ST6GALNAC4: variants seen among roughly 807,000 people sequenced by gnomAD.
ST6GALNAC4 encodes the protein ST6 N-acetylgalactosaminide alpha-2,6-sialyltransferase 4.
ST6GALNAC4 carries 24 observed loss-of-function variants against 30.4 expected under a neutral mutation model. That is an observed-to-expected ratio of 0.79 (90% CI 0.57 to 1.11). ST6GALNAC4 has a LOEUF of 1.11. ST6GALNAC4 is among the 50% of genes most tolerant of loss of function. The pLI is 0.00. For synonymous variants in ST6GALNAC4, 156 were observed against 179.7 expected, an observed-to-expected ratio of 0.87 and a Z score of 1.05; for missense variants, 365 against 430.1, an observed-to-expected ratio of 0.85 and a Z score of 1.34.
In ST6GALNAC4 at chr9:127,908,447, C is replaced by A; in HGVS notation, c.854G>T (p.Arg285Leu). The A allele has an allele frequency of 6.2e-7, 1 of 1,601,500 alleles. No homozygotes were observed. Among genetic ancestry groups the A allele is most frequent in the Non-Finnish European group, 8.5e-7 (1 of 1,170,946 alleles). ...CACGATGGGCCTCTTCTTGGCCCAG[C>A]GGGAGAAGACCGCCTTCTCAGTGAT... is the stretch of plus-strand genomic sequence containing the variant. The part of the protein sequence containing the change: ...RFITEKAVFS[R>L]WAKKRPIVFA... The change falls in exon 6 of 6, where the codon CGC (arginine) becomes CTC (leucine). Residue 285 changes from arginine to leucine, a missense_variant. By Grantham distance (102) the Arg-to-Leu change is moderately radical (BLOSUM62 -2). Transcript: ENST00000335791.
At chr9:127,915,349 G>C (rs555086699) in intron 2 of ST6GALNAC4, among the ~76,000 whole-genome samples, 11 of 152,178 alleles carry the variant, frequency 7.2e-5, no homozygotes, top group South Asian at 2.1e-4. Context: ...CCTCAGAAGG[G>C]CCACCAGCCC....
At chr9:127,916,523 G>C in intron 1 of ST6GALNAC4, 29 bp from the exon 2 acceptor site, 2 of 1,415,508 alleles carry the variant, frequency 1.4e-6, no homozygotes, top group Admixed American at 3.4e-5. Context: ...TCAGAGCCGG[G>C]AGGGGTAAGG....
At chr9:127,912,786 G>T in intron 3 of ST6GALNAC4, 106 bp from the exon 4 acceptor site, 2 of 1,348,218 alleles carry the variant, frequency 1.5e-6, no homozygotes, top group South Asian at 1.5e-5. Context: ...TCAGGTATCG[G>T]CTTGAAGGAC....
intron 4 of ST6GALNAC4, 83 bp from the exon 5 acceptor site, chr9:127,910,141 G>A (rs2131618434): frequency 6.5e-7 from 1 of 1,543,114 alleles, no homozygotes; most frequent in South Asian, 1.2e-5. Flanking sequence ...TTGGTACTTT[G>A]CCAGCCCGGG....
intron 2 of ST6GALNAC4, among the ~76,000 whole-genome samples, chr9:127,915,270 C>T (rs926821964): frequency 3.9e-5 from 6 of 152,146 alleles, no homozygotes; most frequent in South Asian, 4.1e-4. Flanking sequence ...TGTGAACTTA[C>T]GGGAGGGGGG....
chr9:127,909,073 G>A (rs1831009233), intron 5 of ST6GALNAC4, among the ~76,000 whole-genome samples: 1 of 151,948 alleles, frequency 6.6e-6, no homozygotes, highest in South Asian at 2.1e-4. Context: ...TTGTGAACTC[G>A]TTAGTTTCCA....
chr9:127,908,510 A>T lies in ST6GALNAC4; in HGVS notation c.791T>A (p.Leu264Gln). ...KGRLDECQMY[L>Q]AHEQAPRSAH... ...GCTTCGGGGCGCCTGCTCGTGTGCC[A>T]GGTACATCTGACACTCATCTAGCCG... The change falls in exon 6 of 6, where the codon CTG (leucine) becomes CAG (glutamine). Residue 264 changes from leucine (L) to glutamine (Q), a missense_variant. By Grantham distance (113) the Leu-to-Gln change is moderately radical. Coordinates refer to ENST00000335791, the MANE Select transcript of ST6GALNAC4 (RefSeq NM_175039.4). The T allele has an allele frequency of 6.2e-7, 1 of 1,609,020 alleles. No homozygotes were observed. Among genetic ancestry groups the T allele is most frequent in the African/African-American group, 1.3e-5 (1 of 74,942 alleles).
chr9:127,908,631 G>A (rs772352779), intron 5 of ST6GALNAC4, 50 bp from the exon 6 acceptor site: 8 of 1,454,964 alleles, frequency 5.5e-6, no homozygotes, highest in South Asian at 3.0e-5. Flanking sequence ...ACTCGCCTCC[G>A]GCCACACCCT....
At chr9:127,910,337 G>A (rs1831049250) in intron 4 of ST6GALNAC4, 8 of 1,209,424 alleles carry the variant, frequency 6.6e-6, no homozygotes, top group South Asian at 3.4e-5. Context: ...CCTGGATGAT[G>A]GGTGTGGGGG....
At chr9:127,914,330 G>T (rs1186686502) in intron 3 of ST6GALNAC4, among the ~76,000 whole-genome samples, 2 of 144,466 alleles carry the variant, frequency 1.4e-5, no homozygotes, top group Non-Finnish European at 3.0e-5. Context: ...GGAGGCAGAG[G>T]TTGCGTGAGC....
intron 3 of ST6GALNAC4, among the ~76,000 whole-genome samples, chr9:127,912,972 T>C (rs549862429): frequency 5.3e-5 from 8 of 152,372 alleles, no homozygotes; most frequent in African/African-American, 1.4e-4. Flanking sequence ...TGAGTCCTTA[T>C]GAGGTTTGCT....
intron 3 of ST6GALNAC4, 146 bp from the exon 4 acceptor site, chr9:127,912,826 G>A (rs1831112050): frequency 9.1e-6 from 9 of 990,786 alleles, no homozygotes; most frequent in Non-Finnish European, 1.3e-5. Flanking sequence ...AGGCTGGGCA[G>A]CAGGGATGAC....
Position 127,912,653 on chromosome 9 carries a change from A to G in ST6GALNAC4, c.226T>C (p.Cys76Arg). 1 of 1,585,466 alleles carries G rather than the reference A, an allele frequency of 6.3e-7. No individual in the cohort carries two copies. The highest frequency in any genetic ancestry group is 8.6e-7 in the Non-Finnish European group (1 of 1,167,154). ...KPLVREPCRS[C>R]AVVSSSGQML... is the part of the protein sequence containing the mutation. ...TGGCCGGAGCTGGACACCACGGCACAGCTGCGGCAGGGCTCGCGGACCAGC... is the reference window on the plus strand; with the variant it reads ...TGGCCGGAGCTGGACACCACGGCACGGCTGCGGCAGGGCTCGCGGACCAGC... Residue 76 changes from cysteine to arginine, a missense_variant, in exon 4 of 6, where the codon TGT becomes CGT. Cys to Arg is a radical substitution (Grantham distance 180). Coordinates refer to ENST00000335791, the MANE Select transcript of ST6GALNAC4 (RefSeq NM_175039.4).
At position 127,912,280 on chromosome 9, in the gene ST6GALNAC4, G is replaced by T. The variant is rs144061776; in HGVS notation, c.599C>A (p.Thr200Lys). ...GCCCCAGGCTCACCGGTTCTTGCCC[G>T]TCTCGTCCTGGAAGATCTGGTCGCA... ...AYCDQIFQDE[T>K]GKNRRQSGSF... Residue 200 changes from threonine to lysine, a missense_variant, in exon 4 of 6, where the codon ACG becomes AAG. By Grantham distance (78) the Thr-to-Lys change is moderately conservative (BLOSUM62 -1). Coordinates refer to ENST00000335791, the MANE Select transcript of ST6GALNAC4 (RefSeq NM_175039.4). 2 of 1,608,934 alleles carry T rather than the reference G, an allele frequency of 1.2e-6. No homozygotes were observed. Among genetic ancestry groups the T allele is most frequent in the Non-Finnish European group, 1.7e-6 (2 of 1,176,802 alleles).
intron 4 of ST6GALNAC4, 43 bp from the exon 5 acceptor site, chr9:127,910,101 C>T (rs747186873): frequency 1.9e-5 from 30 of 1,604,598 alleles, no homozygotes; most frequent in Non-Finnish European, 2.5e-5. Context: ...CAACAAGAGG[C>T]CATGTGGTAG....
At chr9:127,910,262 T>G in intron 4 of ST6GALNAC4, 3 of 1,370,504 alleles carry the variant, frequency 2.2e-6, no homozygotes, top group Non-Finnish European at 2.8e-6. Context: ...AACCCAGGCC[T>G]GATCACCTCC....
intron 4 of ST6GALNAC4, among the ~76,000 whole-genome samples, chr9:127,911,730 C>T (rs1831077868): frequency 6.6e-6 from 1 of 152,182 alleles, no homozygotes; most frequent in African/African-American, 2.4e-5. Context: ...CGTGATCCTT[C>T]CACCTTGGCC....
At chr9:127,916,298 G>T in intron 2 of ST6GALNAC4, 110 bp downstream of exon 2, 1 of 1,440,274 alleles carries the variant, frequency 6.9e-7, no homozygotes, top group Non-Finnish European at 9.7e-7. Flanking sequence ...TCTCTGCTCA[G>T]CAGTAGGGAG....
At chr9:127,914,595 C>A in intron 3 of ST6GALNAC4, 61 bp downstream of exon 3, 1 of 1,441,378 alleles carries the variant, frequency 6.9e-7, no homozygotes, top group South Asian at 1.4e-5. Flanking sequence ...AGCTCAAGGT[C>A]CGGTTTGGGA....
Sources: gnomAD v4.1 joint callset for allele counts (sites outside exome capture counted in the v4.1 genomes callset) on GRCh38, gnomAD v4.1.1 for gene constraint, MANE v1.5 for transcripts, NCBI Gene and HGNC (gene_info 2026-07-23, HGNC 2026-07-21) for gene names.